The following VMP1 variants were observed in gnomAD, a reference collection of about 807,000 sequenced individuals.
VMP1 encodes ectopic P-granules autophagy protein 3 homolog.
Under a neutral mutation model 56.0 loss-of-function variants are expected in VMP1, and 11 were observed. The ratio of observed to expected loss-of-function variants is 0.20; its 90% CI spans 0.12 to 0.32. The LOEUF is 0.32. Among genes scored for constraint, VMP1 ranks in the 10% least tolerant of loss-of-function variants. The probability of loss-of-function intolerance (pLI) is 1.00; values close to 1 mark genes in which losing one functional copy is unlikely to be tolerated. For missense variants in VMP1, 296 were observed against 490.3 expected (o/e 0.60, Z 3.74); for synonymous variants, 149 against 165.0 (o/e 0.90, Z 0.74).
chr17:59,763,591 CAT>C (rs919001913), intron 5 of VMP1, among the ~76,000 whole-genome samples: 1 of 152,002 alleles, frequency 6.6e-6, no homozygotes, highest in African/African-American at 2.4e-5. Flanking sequence ...ATAAATATCA[CAT>C]ATGTGTGAAC....
chr17:59,803,968 A>G (rs539786842), intron 7 of VMP1, among the ~76,000 whole-genome samples: 19 of 151,504 alleles, frequency 1.3e-4, no homozygotes, highest in African/African-American at 3.4e-4. Flanking sequence ...GTTTTGGTTT[A>G]GCTTTTTGGT....
chr17:59,774,945 T>C (rs974787391), intron 7 of VMP1, among the ~76,000 whole-genome samples: 1 of 151,026 alleles, frequency 6.6e-6, no homozygotes, highest in East Asian at 1.9e-4. Flanking sequence ...AAAAAAATTT[T>C]TTTTTTTTTT....
intron 10 of VMP1, among the ~76,000 whole-genome samples, chr17:59,834,425 T>C (rs777284915): frequency 6.6e-6 from 1 of 152,012 alleles, no homozygotes; most frequent in Non-Finnish European, 1.5e-5. Flanking sequence ...CCACCGTGCC[T>C]GGCTACTTTT....
intron 10 of VMP1, among the ~76,000 whole-genome samples, chr17:59,831,301 A>G (rs1172765122): frequency 2.0e-5 from 3 of 152,170 alleles, no homozygotes; most frequent in Non-Finnish European, 4.4e-5. Flanking sequence ...CCTCTTGAAT[A>G]GCTAGGACTA....
chr17:59,726,381 C>T (rs543374674), intron 1 of VMP1, among the ~76,000 whole-genome samples: 1 of 151,954 alleles, frequency 6.6e-6, no homozygotes, highest in Non-Finnish European at 1.5e-5. Context: ...GCGACCTCCA[C>T]CTCCTGGGTT....
chr17:59,817,823 G>T, intron 10 of VMP1, 50 bp downstream of exon 10: 2 of 1,409,622 alleles, frequency 1.4e-6, no homozygotes, highest in Non-Finnish European at 2.0e-6. Flanking sequence ...CTTTAAATGG[G>T]AGTAAATGTG....
rs200690423 is a variant in VMP1, at chr17:59,839,824, C to T, written c.1134C>T (p.Tyr378=). 22 of 1,613,654 alleles carry T rather than the reference C, an allele frequency of 1.4e-5. No homozygotes were observed. Among genetic ancestry groups the T allele is most frequent in the Non-Finnish European group, 1.8e-5 (21 of 1,179,960 alleles). ...AGTTGGTCGTTGTCATGGTGTGTTA[C>T]TTCATCCTATCTATCATTAACTCCA... is the stretch of plus-strand genomic sequence containing the variant. ...FEKLVVVMVC[Y]FILSIINSMA... The change falls in exon 12 of 12, where the codon TAC becomes TAT. Residue 378 remains tyrosine (Y), a synonymous_variant. Coordinates refer to ENST00000262291, the MANE Select transcript of VMP1 (RefSeq NM_030938.5).
At chr17:59,777,358 T>C (rs1477835336) in intron 7 of VMP1, among the ~76,000 whole-genome samples, 1 of 152,230 alleles carries the variant, frequency 6.6e-6, no homozygotes, top group Admixed American at 6.5e-5. Flanking sequence ...TCACTTTTTA[T>C]ACTTAGAATT....
intron 7 of VMP1, among the ~76,000 whole-genome samples, chr17:59,792,559 T>G (rs189969575): frequency 6.6e-6 from 1 of 152,076 alleles, no homozygotes; most frequent in African/African-American, 2.4e-5. Flanking sequence ...TTATTTCAGT[T>G]TGATCTAAAT....
intron 9 of VMP1, among the ~76,000 whole-genome samples, chr17:59,817,198 C>T (rs552284360): frequency 3.7e-5 from 5 of 133,424 alleles, no homozygotes; most frequent in Non-Finnish European, 7.8e-5. Flanking sequence ...CGCTTGAACC[C>T]GGGAGGCGGA....
At chr17:59,792,249 C>G (rs1318586266) in intron 7 of VMP1, among the ~76,000 whole-genome samples, 3 of 152,148 alleles carry the variant, frequency 2.0e-5, no homozygotes, top group Non-Finnish European at 4.4e-5. Flanking sequence ...TGCACTCCAG[C>G]TAGACGGCAG....
chr17:59,802,304 G>A (rs2037700562), intron 7 of VMP1, among the ~76,000 whole-genome samples: 1 of 151,860 alleles, frequency 6.6e-6, no homozygotes, highest in Non-Finnish European at 1.5e-5. Flanking sequence ...AACAGGTTGT[G>A]TAGGTTTGTA....
intron 1 of VMP1, among the ~76,000 whole-genome samples, chr17:59,725,439 C>T (rs1000446363): frequency 1.3e-5 from 2 of 150,726 alleles, no homozygotes; most frequent in African/African-American, 4.9e-5. Flanking sequence ...GGTTAAAATG[C>T]AGAAAAGCTT....
rs551214176 is a variant in VMP1, at chr17:59,766,188, G to A, written c.582+1050G>A. ...CCTCCTGGGCTCAAGTGATCCTCCC[G>A]TATGTCTTACTTTTAGATTAAAATA... On this transcript the variant is annotated intron_variant, in intron 6 of 11. Transcript: ENST00000262291. Among the ~76,000 whole-genome samples the A allele has an allele frequency of 4.1e-4, 63 of 151,898 alleles. 2 individuals carry two copies. In the South Asian group the frequency reaches 0.012, roughly 28 times the overall value.
At chr17:59,798,888 A>G (rs546545686) in intron 7 of VMP1, among the ~76,000 whole-genome samples, 68 of 152,358 alleles carry the variant, frequency 4.5e-4, no homozygotes, top group African/African-American at 1.6e-3. Flanking sequence ...CTCCGTCTCA[A>G]AAGAAAAAAA....
intron 7 of VMP1, among the ~76,000 whole-genome samples, chr17:59,806,589 C>G (rs1030639759): frequency 6.6e-6 from 1 of 151,868 alleles, no homozygotes. Flanking sequence ...ATGGCGGGCG[C>G]CTGTAATCCC....
At chr17:59,747,373 C>T (rs2035460578) in intron 5 of VMP1, among the ~76,000 whole-genome samples, 1 of 151,008 alleles carries the variant, frequency 6.6e-6, no homozygotes, top group African/African-American at 2.4e-5. Context: ...GCCTGGGCAA[C>T]AAAGCAAGAC....
At chr17:59,827,685 A>T (rs2038685575) in intron 10 of VMP1, among the ~76,000 whole-genome samples, 1 of 150,222 alleles carries the variant, frequency 6.7e-6, no homozygotes, top group Non-Finnish European at 1.5e-5. Context: ...CACCAGGCCC[A>T]CTCACACCTG....
At chr17:59,792,303 C>T (rs75787422) in intron 7 of VMP1, among the ~76,000 whole-genome samples, 1,953 of 152,110 alleles carry the variant, frequency 0.013, 37 homozygotes, top group African/African-American at 0.044. Context: ...GGTTCTACCT[C>T]AGAAAAGAAT....
Sources: gnomAD v4.1 joint callset for allele counts (sites outside exome capture counted in the v4.1 genomes callset) on GRCh38, gnomAD v4.1.1 for gene constraint, MANE v1.5 for transcripts, NCBI Gene and HGNC (gene_info 2026-07-23, HGNC 2026-07-21) for gene names.